Variants in BCAR1 observed in about 807,000 individuals in gnomAD.
The protein encoded by BCAR1 is breast cancer anti-estrogen resistance protein 1.
In BCAR1, 30 loss-of-function variants were observed where a neutral mutation model predicts 67.6. The ratio of observed to expected loss-of-function variants is 0.44; its 90% CI spans 0.33 to 0.60. BCAR1 has a LOEUF of 0.60. BCAR1 is among the 20% of genes least tolerant of loss of function. The pLI, the probability that BCAR1 is intolerant of heterozygous loss-of-function variation, is 0.02. For synonymous variants in BCAR1, 626 were observed against 556.7 expected (o/e 1.12, Z -1.75); for missense variants, 1,313 against 1,222.3 (o/e 1.07, Z -1.11).
intron 1 of BCAR1, chr16:75,264,182 A>G: frequency 5.3e-6 from 7 of 1,329,234 alleles, no homozygotes; most frequent in Non-Finnish European, 6.7e-6. Context: ...AAGGCTGCCC[A>G]AAGTCCTGTA....
At chr16:75,263,473 AGG>A in intron 1 of BCAR1, 2 of 985,258 alleles carry the variant, frequency 2.0e-6, no homozygotes, top group Non-Finnish European at 2.4e-6. Context: ...GAGCAGAGGA[AGG>A]GGCACTGAGC....
Position 75,242,995 on chromosome 16 carries a change from G to A in BCAR1, c.108C>T (p.Asp36=). 3 of 1,613,612 alleles carry A rather than the reference G, an allele frequency of 1.9e-6. No homozygotes were observed. Among genetic ancestry groups the A allele is most frequent in the Non-Finnish European group, 2.5e-6 (3 of 1,179,898 alleles). Residue 36 remains aspartate, a synonymous_variant, in exon 2 of 7, where the codon GAC becomes GAT. Coordinates refer to ENST00000162330, the MANE Select transcript of BCAR1 (RefSeq NM_014567.5). ...KGDIMTVLEQ[D]TQGLDGWWLC... Reference sequence around the variant, plus strand: ...GCCACCAGCCGTCCAGGCCCTGCGTGTCCTGCTCCAGCACCGTCATGATGT... The same window carrying A: ...GCCACCAGCCGTCCAGGCCCTGCGTATCCTGCTCCAGCACCGTCATGATGT...
At chr16:75,240,958 C>G (rs1211388698) in intron 2 of BCAR1, among the ~76,000 whole-genome samples, 1 of 152,264 alleles carries the variant, frequency 6.6e-6, no homozygotes, top group Non-Finnish European at 1.5e-5. Context: ...TGCTGCTCCC[C>G]AGCCCACAGG....
rs2077214375 is a variant in BCAR1 at position 75,238,329 on chromosome 16, G to C, written c.634-985C>G. 5.3e-6 allele frequency: 6 copies of C among 1,136,068 alleles called. 1 individual carries two copies. In the South Asian group the frequency reaches 5.3e-5, roughly 10 times the overall value. The allele number at this position is 1,136,068 out of a possible 1,614,324, so 70.4% of individuals were successfully genotyped here. ...ACACGCCTCCACCACCAGGCTCCCT[G>C]TTCAGCTCTCTCCACTGAAAGACCT... On this transcript the variant is annotated intron_variant, in intron 2 of 6. Coordinates refer to ENST00000162330, the MANE Select transcript of BCAR1 (RefSeq NM_014567.5).
In BCAR1 at chr16:75,235,689, C is replaced by T. The variant is rs773090526; in HGVS notation, c.1210G>A (p.Val404Met). Residue 404 changes from valine to methionine, a missense_variant, in exon 5 of 7, where the codon GTG (valine) becomes ATG (methionine). Transcript: ENST00000162330. ...VLPPEVADGG[V>M]VDSGVYAVPP... is the part of the protein sequence containing the mutation. ...ACCGCATACACACCACTGTCGACCA[C>T]GCCACCATCAGCCACCTCAGGAGGA... is the stretch of plus-strand genomic sequence containing the variant. The T allele has an allele frequency of 1.6e-5, 25 of 1,611,558 alleles. No individual in the cohort carries two copies. Among genetic ancestry groups the T allele is most frequent in the African/African-American group, 2.7e-5 (2 of 74,898 alleles).
In BCAR1 at chr16:75,228,371, C is replaced by T. The variant is rs2076777672; in HGVS notation, c.*1140G>A. 1 of 152,164 alleles carries T rather than the reference C, an allele frequency of 6.6e-6. No homozygotes were observed. Among genetic ancestry groups the T allele is most frequent in the Non-Finnish European group, 1.5e-5 (1 of 68,064 alleles). 9.4% of individuals were successfully genotyped at this position (152,164 alleles called of 1,614,324 possible). A position where few individuals can be genotyped will look rare whatever the true frequency, so the allele number is the denominator to read the frequency against. ...AGATGGGGAAACCAAGGCCCATGTTCATATGCAGAACGGTCAGGGCTGGGA... is the reference window on the plus strand; with the variant it reads ...AGATGGGGAAACCAAGGCCCATGTTTATATGCAGAACGGTCAGGGCTGGGA... On this transcript the variant is annotated 3_prime_UTR_variant, in exon 7 of 7. Transcript: ENST00000162330.
At position 75,238,016 on chromosome 16, in the gene BCAR1, C is replaced by T. The variant is rs559710904; in HGVS notation, c.634-672G>A. The T allele has an allele frequency of 2.5e-5, 32 of 1,286,830 alleles. No individual in the cohort carries two copies. In the South Asian group the frequency reaches 3.5e-4, roughly 14 times the overall value. 79.7% of individuals were successfully genotyped at this position (1,286,830 alleles called of 1,614,324 possible). On this transcript the variant is annotated intron_variant, in intron 2 of 6. Coordinates refer to ENST00000162330, the MANE Select transcript of BCAR1 (RefSeq NM_014567.5). ...AGCTGCCTGCAGCAGGTAAGATCCC[C>T]AGCGACCTGAAAGGATGAGGCCTAG...
chr16:75,236,045 G>A (rs774432280), intron 4 of BCAR1, 59 bp from the exon 5 acceptor site: 68 of 1,513,750 alleles, frequency 4.5e-5, no homozygotes, highest in Non-Finnish European at 5.3e-5. Flanking sequence ...CCCAGGGACT[G>A]GGGGCAGCAC....
chr16:75,237,656 C>G (rs1044278426), intron 2 of BCAR1, among the ~76,000 whole-genome samples: 2 of 152,340 alleles, frequency 1.3e-5, no homozygotes, highest in East Asian at 1.9e-4. Context: ...GCTGATGACA[C>G]CGGTGGGGTG....
intron 2 of BCAR1, among the ~76,000 whole-genome samples, chr16:75,237,881 A>G (rs1183866000): frequency 6.6e-6 from 1 of 152,176 alleles, no homozygotes; most frequent in Non-Finnish European, 1.5e-5. Flanking sequence ...GCCCCACAGC[A>G]CAGCATGGGG....
Position 75,242,538 on chromosome 16 carries a change from G to A in BCAR1, c.565C>T (p.His189Tyr). The part of the protein sequence containing the change: ...YQVPPSAGMG[H>Y]DIYQVPPSMD... Reference sequence around the variant, plus strand: ...GACGGGGGGACCTGGTAGATGTCATGCCCCATCCCGGCAGAAGGTGGCACC... The same window carrying A: ...GACGGGGGGACCTGGTAGATGTCATACCCCATCCCGGCAGAAGGTGGCACC... The change falls in exon 2 of 7, where the codon CAT (histidine) becomes TAT (tyrosine). Residue 189 changes from histidine (H) to tyrosine (Y), a missense_variant. Around this residue, in one of 2 missense-constraint regions of BCAR1, gnomAD observed 1,272 missense variants for 1,137.5 expected, o/e 1.12. Coordinates refer to ENST00000162330, the MANE Select transcript of BCAR1 (RefSeq NM_014567.5). 2 of 1,492,424 alleles carry A rather than the reference G, an allele frequency of 1.3e-6. No homozygotes were observed. Among genetic ancestry groups the A allele is most frequent in the South Asian group, 1.4e-5 (1 of 70,926 alleles). The allele number at this position is 1,492,424 out of a possible 1,614,324, so 92.4% of individuals were successfully genotyped here.
At chr16:75,243,504 T>C (rs2077421008) in intron 1 of BCAR1, 1 of 525,260 alleles carries the variant, frequency 1.9e-6, no homozygotes, top group Non-Finnish European at 3.8e-6. Context: ...GAAAATAATC[T>C]GACAAAAAGA....
At position 75,242,692 on chromosome 16, in the gene BCAR1, G is replaced by C. The variant is rs1393977369; in HGVS notation, c.411C>G (p.Phe137Leu). The C allele has an allele frequency of 1.3e-6, 2 of 1,544,702 alleles. No homozygotes were observed. The highest frequency in any genetic ancestry group is 1.7e-6 in the Non-Finnish European group (2 of 1,147,552). The change falls in exon 2 of 7, where the codon TTC (phenylalanine) becomes TTG (leucine). Residue 137 changes from phenylalanine (F) to leucine (L), a missense_variant. By Grantham distance (22) the Phe-to-Leu change is conservative. Coordinates refer to ENST00000162330, the MANE Select transcript of BCAR1 (RefSeq NM_014567.5). Reference sequence around the variant, plus strand: ...ATGTCTGCTTGGCTGGGGGAGACTGGAACTGAGGGCTGGGACCCGGGACTT... The same window carrying C: ...ATGTCTGCTTGGCTGGGGGAGACTGCAACTGAGGGCTGGGACCCGGGACTT... The part of the protein sequence containing the change: ...LYQVPGPSPQ[F>L]QSPPAKQTST...
In BCAR1 at chr16:75,229,672, G is replaced by A. The variant is rs528157015; in HGVS notation, c.2452C>T (p.Leu818=). The change falls in exon 7 of 7, where the codon CTG becomes TTG. Residue 818 remains leucine (L), a synonymous_variant. Transcript: ENST00000162330. The part of the protein sequence containing the change: ...VRSQVTHYSN[L]LCDLLRGIVA... ...ATGCCGCGCAGGAGGTCGCACAGCAGGTTGCTGTAGTGGGTCACCTGGCTG... is the reference window on the plus strand; with the variant it reads ...ATGCCGCGCAGGAGGTCGCACAGCAAGTTGCTGTAGTGGGTCACCTGGCTG... 8.7e-6 allele frequency: 14 copies of A among 1,612,770 alleles called. No individual in the cohort carries two copies. Among genetic ancestry groups the A allele is most frequent in the East Asian group, 2.2e-5 (1 of 44,878 alleles).
At position 75,244,492 on chromosome 16, in the gene BCAR1, T is replaced by C. The variant is rs145601486; in HGVS notation, c.13-1402A>G. Among the ~76,000 whole-genome samples, 973 of 152,218 alleles carry C rather than the reference T, an allele frequency of 6.4e-3. 7 individuals carry two copies. The highest frequency in any genetic ancestry group is 0.022 in the African/African-American group (894 of 41,530). ...CTGGACAGTGCCCCTCTGAGCGCCA[T>C]CTCCCTGGCCGGCATCAGAGGGCGA... On this transcript the variant is annotated intron_variant, in intron 1 of 6. Coordinates refer to ENST00000162330, the MANE Select transcript of BCAR1 (RefSeq NM_014567.5).
intron 5 of BCAR1, 118 bp downstream of exon 5, chr16:75,234,771 T>C (rs2077040002): frequency 7.0e-7 from 1 of 1,426,790 alleles, no homozygotes; most frequent in African/African-American, 1.4e-5. Context: ...GAGGTCAAAG[T>C]GAGAGGAGGG....
At chr16:75,265,395 C>T (rs1461191165) in intron 1 of BCAR1, among the ~76,000 whole-genome samples, 1 of 152,146 alleles carries the variant, frequency 6.6e-6, no homozygotes, top group Non-Finnish European at 1.5e-5. Context: ...GCCTCCCACC[C>T]CCTCATCCGG....
intron 1 of BCAR1, chr16:75,263,138 C>T (rs1172680764): frequency 2.3e-5 from 21 of 927,806 alleles, no homozygotes; most frequent in Non-Finnish European, 2.6e-5. Flanking sequence ...CATCCCTCAA[C>T]GAAGGGGCAC....
Position 75,235,952 on chromosome 16 carries a change from A to T in BCAR1, c.947T>A (p.Val316Glu). 1 of 1,575,408 alleles carries T rather than the reference A, an allele frequency of 6.3e-7. No individual in the cohort carries two copies. The highest frequency in any genetic ancestry group is 2.3e-5 in the East Asian group (1 of 43,176). ...CTCACGCAGCAGTGGGCCATCGGGC[A>T]CATCCTTGCTCACCGATGGAGGAAC... ...YDVPPSVSKD[V>E]PDGPLLREET... The change falls in exon 5 of 7, where the codon GTG becomes GAG. Residue 316 changes from valine (V) to glutamate (E), a missense_variant. Physicochemically the swap from Val to Glu is moderately radical, Grantham distance 121. Transcript: ENST00000162330.
Sources: gnomAD v4.1 joint callset for allele counts (sites outside exome capture counted in the v4.1 genomes callset) on GRCh38, gnomAD v4.1.1 for gene constraint, gnomAD v4.1.1 regional missense constraint, MANE v1.5 for transcripts, NCBI Gene and HGNC (gene_info 2026-07-23, HGNC 2026-07-21) for gene names.